Variants in FBXL12 observed in about 807,000 individuals in gnomAD.
The protein encoded by FBXL12 is F-box/LRR-repeat protein 12.
In FBXL12, 22 loss-of-function variants were observed where a neutral mutation model predicts 24.9. The observed-to-expected ratio is 0.88, with a 90% CI of 0.63 to 1.26. The LOEUF is 1.26. Ranked by LOEUF, FBXL12 falls within the 50% of genes most tolerant of loss-of-function variation. The pLI, the probability that FBXL12 is intolerant of heterozygous loss-of-function variation, is 0.00. For synonymous variants in FBXL12, 193 were observed against 193.8 expected, an observed-to-expected ratio of 1.00 and a Z score of 0.03; for missense variants, 384 against 434.1, an observed-to-expected ratio of 0.88 and a Z score of 1.03.
Position 9,819,017 on chromosome 19 carries a change from G to A in FBXL12, c.-204C>T, listed in dbSNP as rs1599435174. Reference sequence around the variant, plus strand: ...AAACCAGCCTGGAAAGCGTGGCTGAGGCAGTGAGAGGCTTGCGGGAGGTGG... The same window carrying A: ...AAACCAGCCTGGAAAGCGTGGCTGAAGCAGTGAGAGGCTTGCGGGAGGTGG... On this transcript the variant is annotated 5_prime_UTR_variant, in exon 1 of 3. Transcript: ENST00000247977. 1.7e-6 allele frequency: 1 copy of A among 598,104 alleles called. No individual in the cohort carries two copies. Among genetic ancestry groups the A allele is most frequent in the Non-Finnish European group, 3.0e-6 (1 of 335,340 alleles). 37.0% of individuals were successfully genotyped at this position (598,104 alleles called of 1,614,324 possible). A position where few individuals can be genotyped will look rare whatever the true frequency, so the allele number is the denominator to read the frequency against.
Position 9,818,785 on chromosome 19 carries a change from G to A in FBXL12, c.29C>T (p.Ser10Leu). The stretch of plus-strand genomic sequence containing the variant: ...GTAAGAGAAGATCTCGAGCAGGACC[G>A]AGTCCGGCAGTTCGACCAAAGTCGC... MATLVELPDSVLLEIFSYLP... is the reference protein window; with the variant it reads MATLVELPDLVLLEIFSYLP... Residue 10 changes from serine (S) to leucine (L), a missense_variant, in exon 1 of 3, where the codon TCG becomes TTG. Transcript: ENST00000247977. The A allele has an allele frequency of 1.9e-6, 3 of 1,555,010 alleles. No homozygotes were observed. Among genetic ancestry groups the A allele is most frequent in the Non-Finnish European group, 2.6e-6 (3 of 1,147,838 alleles).
chr19:9,811,572 G>A lies in FBXL12; in HGVS notation c.305C>T (p.Pro102Leu), dbSNP rs1599421984. The change falls in exon 3 of 3, where the codon CCC becomes CTC. Residue 102 changes from proline to leucine, a missense_variant. Coordinates refer to ENST00000247977, the MANE Select transcript of FBXL12 (RefSeq NM_017703.3). This position sits in a 1 kb window ranked among gnomAD's most constrained non-coding sequence, Gnocchi z 6.0. ...GTGCAGGCAGAGGCGCTTCAGGTTG[G>A]GGCACTTCTGGCCCAGGGCTCTCAA... is the stretch of plus-strand genomic sequence containing the variant. Reference protein sequence around the residue: ...ALLRALGQKCPNLKRLCLHVA... With the variant: ...ALLRALGQKCLNLKRLCLHVA... The A allele has an allele frequency of 6.3e-7, 1 of 1,592,466 alleles. No individual in the cohort carries two copies. The highest frequency in any genetic ancestry group is 8.6e-7 in the Non-Finnish European group (1 of 1,167,424).
chr19:9,814,568 G>T (rs1311168644), intron 2 of FBXL12: 3 of 150,204 alleles, frequency 2.0e-5, no homozygotes, highest in Non-Finnish European at 4.4e-5. Context: ...GTGGTGGCAC[G>T]TGCCTGTAGT....
Position 9,811,566 on chromosome 19 carries a change from A to C in FBXL12, c.311T>G (p.Leu104Arg). ...LRALGQKCPNLKRLCLHVADL... is the reference protein window; with the variant it reads ...LRALGQKCPNRKRLCLHVADL... Reference sequence around the variant, plus strand: ...GGCCACGTGCAGGCAGAGGCGCTTCAGGTTGGGGCACTTCTGGCCCAGGGC... The same window carrying C: ...GGCCACGTGCAGGCAGAGGCGCTTCCGGTTGGGGCACTTCTGGCCCAGGGC... The change falls in exon 3 of 3, where the codon CTG (leucine) becomes CGG (arginine). Residue 104 changes from leucine (L) to arginine (R), a missense_variant. Transcript: ENST00000247977. This position sits in a 1 kb window ranked among gnomAD's most constrained non-coding sequence, Gnocchi z 6.0. 6.3e-7 allele frequency: 1 copy of C among 1,596,842 alleles called. No homozygotes were observed. The highest frequency in any genetic ancestry group is 8.5e-7 in the Non-Finnish European group (1 of 1,169,710).
intron 2 of FBXL12, chr19:9,818,154 A>G (rs1343308883): frequency 7.4e-6 from 3 of 404,240 alleles, no homozygotes; most frequent in Non-Finnish European, 8.7e-6. Flanking sequence ...CGAGGCTGCA[A>G]TCGCACCACT....
rs750708251 is a variant in FBXL12 at position 9,818,728 on chromosome 19, C to A, written c.86G>T (p.Arg29Met). 6.5e-7 allele frequency: 1 copy of A among 1,545,780 alleles called. No individual in the cohort carries two copies. Among genetic ancestry groups the A allele is most frequent in the Admixed American group, 2.0e-5 (1 of 50,936 alleles). ...CTTCCCCCCGGAGGCGGGGCCGCAC[C>A]TGGAGATGCGGATCCGGTCCCGTAC... The part of the protein sequence containing the change: ...LPVRDRIRIS[R>M]VCHRWKRLVD... The change falls in exon 1 of 3, where the codon AGG becomes ATG. Residue 29 changes from arginine to methionine, a missense_variant and splice_region_variant. Coordinates refer to ENST00000247977, the MANE Select transcript of FBXL12 (RefSeq NM_017703.3).
intron 2 of FBXL12, among the ~76,000 whole-genome samples, chr19:9,816,484 T>C (rs1430869893): frequency 6.6e-6 from 1 of 152,146 alleles, no homozygotes; most frequent in Non-Finnish European, 1.5e-5. Context: ...CACAAATCTC[T>C]AGGGCAGGGG....
intron 2 of FBXL12, 67 bp downstream of exon 2, chr19:9,818,478 G>A: frequency 6.7e-7 from 1 of 1,488,308 alleles, no homozygotes; most frequent in African/African-American, 1.4e-5. Flanking sequence ...CCCAGGGTGG[G>A]AGAGGTGGTC....
chr19:9,814,368 A>G (rs1434244840), intron 2 of FBXL12: 1 of 152,088 alleles, frequency 6.6e-6, no homozygotes, highest in African/African-American at 2.4e-5. Flanking sequence ...AAATTAGCCG[A>G]GTGTGGTGGT....
intron 2 of FBXL12, chr19:9,813,251 T>C (rs1315268807): frequency 2.4e-6 from 3 of 1,231,378 alleles, no homozygotes; most frequent in Non-Finnish European, 3.0e-6. Context: ...TATTGCTGGA[T>C]TTCTCTACTT....
rs1335287615 is a variant in FBXL12, at chr19:9,811,773, C to G, written c.160-56G>C. On this transcript the variant is annotated intron_variant, in intron 2 of 2. Coordinates refer to ENST00000247977, the MANE Select transcript of FBXL12 (RefSeq NM_017703.3). This position sits in a 1 kb window ranked among gnomAD's most constrained non-coding sequence, Gnocchi z 6.0. ...TGAGAGGTATGGAGCTTCCAAGGCC[C>G]CTGCTGGGCTGGAGACACACAACCC... is the stretch of plus-strand genomic sequence containing the variant. 1 of 1,423,414 alleles carries G rather than the reference C, an allele frequency of 7.0e-7. No homozygotes were observed. The highest frequency in any genetic ancestry group is 9.3e-7 in the Non-Finnish European group (1 of 1,070,314). The allele number at this position is 1,423,414 out of a possible 1,614,324, so 88.2% of individuals were successfully genotyped here.
intron 2 of FBXL12, among the ~76,000 whole-genome samples, chr19:9,812,848 C>A (rs1375429629): frequency 6.6e-6 from 1 of 150,842 alleles, no homozygotes; most frequent in Non-Finnish European, 1.5e-5. Flanking sequence ...CCAAGGCGGG[C>A]AGATCACCTG....
rs151302778 is a variant in FBXL12 at position 9,818,968 on chromosome 19, G to A, written c.-155C>T. On this transcript the variant is annotated 5_prime_UTR_variant, in exon 1 of 3. Coordinates refer to ENST00000247977, the MANE Select transcript of FBXL12 (RefSeq NM_017703.3). ...TGGGAAGTGATTCGGTCCCAGGGCC[G>A]GACCAGCCGCGGATGGGGACCAGAA... is the stretch of plus-strand genomic sequence containing the variant. 2,695 of 705,310 alleles carry A rather than the reference G, an allele frequency of 3.8e-3. 45 individuals are homozygous for A. The African/African-American group carries it at 0.039, about 10-fold the overall frequency. The allele number at this position is 705,310 out of a possible 1,614,324, so 43.7% of individuals were successfully genotyped here. A position where few individuals can be genotyped will look rare whatever the true frequency, so the allele number is the denominator to read the frequency against.
chr19:9,812,486 G>A (rs556280980), intron 2 of FBXL12, among the ~76,000 whole-genome samples: 36 of 127,076 alleles, frequency 2.8e-4, no homozygotes, highest in African/African-American at 1.1e-3. Flanking sequence ...AGTCGATATC[G>A]CACCACTGCA....
chr19:9,813,084 A>AT, intron 2 of FBXL12: 1 of 431,066 alleles, frequency 2.3e-6, no homozygotes, highest in Non-Finnish European at 3.8e-6. Context: ...AAAAAAAAAT[A>AT]TATCAAAGCC....
intron 2 of FBXL12, among the ~76,000 whole-genome samples, chr19:9,812,530 CA>C (rs374538314): frequency 0.17 from 5,624 of 32,410 alleles, 35 homozygotes; most frequent in African/African-American, 0.28. Flanking sequence ...GACTCTGTCT[CA>C]AAAAAAAAAA....
chr19:9,811,266 AGATAGCTGAGCTCCTGCAGGCCAGC>A lies in FBXL12; in HGVS notation c.586_610del (p.Ala196CysfsTer32), dbSNP rs767364077. 6.2e-7 allele frequency: 1 copy of A among 1,611,392 alleles called. No homozygotes were observed. The highest frequency in any genetic ancestry group is 8.5e-7 in the Non-Finnish European group (1 of 1,179,972). ...GCAGCCCAGCACCTCAAGCCTCTGCAGATAGCTGAGCTCCTGCAGGCCAGCATCCAGCCCTGTCTCGGTCACACGG... is the reference window on the plus strand; with the variant it reads ...GCAGCCCAGCACCTCAAGCCTCTGCAATCCAGCCCTGTCTCGGTCACACGG... On this transcript the variant is annotated frameshift_variant, in exon 3 of 3. Transcript: ENST00000247977. LOFTEE classifies it high-confidence loss of function. This position sits in a 1 kb window ranked among gnomAD's most constrained non-coding sequence, Gnocchi z 6.0.
intron 2 of FBXL12, among the ~76,000 whole-genome samples, chr19:9,812,568 AG>A (rs2045779691): frequency 6.8e-6 from 1 of 146,714 alleles, no homozygotes; most frequent in Non-Finnish European, 1.5e-5. Context: ...TAAATCTGGT[AG>A]GGGAAAAAAA....
Position 9,811,356 on chromosome 19 carries a change from C to G in FBXL12, c.521G>C (p.Arg174Pro), listed in dbSNP as rs139433783. 1.2e-6 allele frequency: 2 copies of G among 1,611,218 alleles called. No homozygotes were observed. Among genetic ancestry groups the G allele is most frequent in the South Asian group, 2.2e-5 (2 of 91,070 alleles). The change falls in exon 3 of 3, where the codon CGC becomes CCC. Residue 174 changes from arginine to proline, a missense_variant. By Grantham distance (103) the Arg-to-Pro change is moderately radical. Transcript: ENST00000247977. This position sits in a 1 kb window ranked among gnomAD's most constrained non-coding sequence, Gnocchi z 6.0. ...FRDEHLQGLT[R>P]FRALRSLVLG... ...CACCAGCGAGCGCAAGGCCCGGAAG[C>G]GCGTCAGGCCCTGCAGGTGCTCGTC...
Sources: gnomAD v4.1 joint callset for allele counts (sites outside exome capture counted in the v4.1 genomes callset) on GRCh38, gnomAD v4.1.1 for gene constraint, Gnocchi (gnomAD v3.1) non-coding constraint, MANE v1.5 for transcripts, NCBI Gene and HGNC (gene_info 2026-07-23, HGNC 2026-07-21) for gene names.